TNKS1BP1: variants seen among roughly 807,000 people sequenced by gnomAD.
The protein encoded by TNKS1BP1 is CCR4-NOT transcription complex subunit 12.
In TNKS1BP1, 48 loss-of-function variants were observed where a neutral mutation model predicts 141.1. The observed-to-expected ratio is 0.34, with a 90% CI of 0.27 to 0.43. The LOEUF (loss-of-function observed/expected upper bound fraction) is 0.43, where lower values mean the gene tolerates loss of function less well. TNKS1BP1 is among the 20% of genes least tolerant of loss of function. TNKS1BP1 has a pLI of 1.00. For synonymous variants in TNKS1BP1, 875 were observed against 898.2 expected (o/e 0.97, Z 0.46); for missense variants, 2,149 against 2,226.0 (o/e 0.97, Z 0.70).
intron 6 of TNKS1BP1, chr11:57,303,304 T>C (rs996169239): frequency 1.3e-5 from 2 of 154,134 alleles, no homozygotes; most frequent in Non-Finnish European, 2.9e-5. Context: ...GCCCCCACGT[T>C]ATGCCTCTTC....
At chr11:57,311,211 C>T (rs1442911636) in intron 5 of TNKS1BP1, 3 of 979,040 alleles carry the variant, frequency 3.1e-6, no homozygotes, top group African/African-American at 3.5e-5. Context: ...TTGCACCCCA[C>T]CCCCCACCTC....
chr11:57,308,376 A>T lies in TNKS1BP1; in HGVS notation c.4316+19T>A. Reference sequence around the variant, plus strand: ...TCACATGTTCCCTCCCACACTTGGGATGGGGCTCCGTTCATTACCTTGCTC... The same window carrying T: ...TCACATGTTCCCTCCCACACTTGGGTTGGGGCTCCGTTCATTACCTTGCTC... On this transcript the variant is annotated intron_variant, in intron 6 of 11. Transcript: ENST00000358252. 1.3e-6 allele frequency: 2 copies of T among 1,595,398 alleles called. No individual in the cohort carries two copies. The highest frequency in any genetic ancestry group is 1.1e-5 in the South Asian group (1 of 89,324).
intron 4 of TNKS1BP1, among the ~76,000 whole-genome samples, chr11:57,316,168 C>T (rs551400289): frequency 6.6e-6 from 1 of 152,306 alleles, no homozygotes; most frequent in East Asian, 1.9e-4. Context: ...GAATCCAATT[C>T]TCTGTGCTCA....
intron 3 of TNKS1BP1, among the ~76,000 whole-genome samples, chr11:57,319,546 C>T (rs1565046425): frequency 6.6e-6 from 1 of 152,056 alleles, no homozygotes; most frequent in Admixed American, 6.5e-5. Context: ...AGGCAGATCA[C>T]CTGAGGTCAG....
chr11:57,305,102 G>A (rs1855588732), intron 6 of TNKS1BP1, among the ~76,000 whole-genome samples: 1 of 152,084 alleles, frequency 6.6e-6, no homozygotes, highest in Non-Finnish European at 1.5e-5. Context: ...TGTATAAGCT[G>A]AGCCCCTCCC....
Position 57,310,554 on chromosome 11 carries a change from T to C in TNKS1BP1, c.2157A>G (p.Gly719=). Residue 719 remains glycine (G), a splice_region_variant and synonymous_variant, in exon 6 of 12, where the codon GGA becomes GGG. Coordinates refer to ENST00000358252, the MANE Select transcript of TNKS1BP1 (RefSeq NM_033396.3). ...GATCTTTCTGGGACCAGCCAAGGAG[T>C]CCCTGGGAATAAGAAAAAAAAACAG... ...DTQSPSTCSE[G]LLGWSQKDLQ... The C allele has an allele frequency of 6.3e-7, 1 of 1,587,868 alleles. No homozygotes were observed. Among genetic ancestry groups the C allele is most frequent in the African/African-American group, 1.4e-5 (1 of 73,696 alleles).
At chr11:57,303,949 T>C (rs1855569136) in intron 6 of TNKS1BP1, among the ~76,000 whole-genome samples, 1 of 152,116 alleles carries the variant, frequency 6.6e-6, no homozygotes. Flanking sequence ...CTGCCCGCCC[T>C]GTCCAGCGGC....
At chr11:57,300,467 T>A in intron 11 of TNKS1BP1, 61 bp downstream of exon 11, 1 of 1,540,006 alleles carries the variant, frequency 6.5e-7, no homozygotes. Context: ...GCATGAGGCC[T>A]CCGAAGCCTC....
intron 5 of TNKS1BP1, 111 bp downstream of exon 5, chr11:57,312,423 A>T: frequency 1.6e-6 from 2 of 1,256,234 alleles, no homozygotes; most frequent in South Asian, 2.5e-5. Flanking sequence ...TGCCTTGCTC[A>T]CTACCACAGC....
rs767298654 is a variant in TNKS1BP1 at position 57,301,793 on chromosome 11, T to A, written c.4971+14A>T. 6 of 1,601,920 alleles carry A rather than the reference T, an allele frequency of 3.7e-6. No individual in the cohort carries two copies. Among genetic ancestry groups the A allele is most frequent in the Non-Finnish European group, 5.1e-6 (6 of 1,170,884 alleles). On this transcript the variant is annotated intron_variant, in intron 9 of 11. Coordinates refer to ENST00000358252, the MANE Select transcript of TNKS1BP1 (RefSeq NM_033396.3). ...CAGATGGCTGGACATGTTTGCTTAATGATCAGATGGTACCTTCAGGGCTGA... is the reference window on the plus strand; with the variant it reads ...CAGATGGCTGGACATGTTTGCTTAAAGATCAGATGGTACCTTCAGGGCTGA...
chr11:57,310,241 C>T lies in TNKS1BP1; in HGVS notation c.2470G>A (p.Val824Ile). Residue 824 changes from valine to isoleucine, a missense_variant, in exon 6 of 12, where the codon GTA (valine) becomes ATA (isoleucine). Transcript: ENST00000358252. ...APGVLTAQDR[V>I]VGKPAQLGTQ... ...CCAAGCTGGGCTGGCTTTCCAACTACCCGGTCCTGGGCTGTGAGCACCCCT... is the reference window on the plus strand; with the variant it reads ...CCAAGCTGGGCTGGCTTTCCAACTATCCGGTCCTGGGCTGTGAGCACCCCT... 1 of 1,614,190 alleles carries T rather than the reference C, an allele frequency of 6.2e-7. No individual in the cohort carries two copies. Among genetic ancestry groups the T allele is most frequent in the Non-Finnish European group, 8.5e-7 (1 of 1,180,020 alleles).
At chr11:57,310,753 C>T (rs1306192676) in intron 5 of TNKS1BP1, among the ~76,000 whole-genome samples, 197 bp from the exon 6 acceptor site, 1 of 152,162 alleles carries the variant, frequency 6.6e-6, no homozygotes, top group Admixed American at 6.5e-5. Context: ...ATTCCTATTG[C>T]ATGGGGCTGG....
intron 1 of TNKS1BP1, among the ~76,000 whole-genome samples, chr11:57,324,301 G>A (rs1306062828): frequency 6.6e-6 from 1 of 152,242 alleles, no homozygotes; most frequent in Non-Finnish European, 1.5e-5. Context: ...GTCTGGAGGG[G>A]CCCAGTGGGG....
chr11:57,312,711 G>A lies in TNKS1BP1; in HGVS notation c.1977C>T (p.Thr659=). The part of the protein sequence containing the change: ...EAVTLARAET[T]QARTEAQDLC... ...AGTCTTGAGCCTCTGTCCTGGCTTG[G>A]GTGGTCTCAGCCCGGGCTAGGGTCA... The change falls in exon 5 of 12, where the codon ACC becomes ACT. Residue 659 remains threonine, a synonymous_variant. Coordinates refer to ENST00000358252, the MANE Select transcript of TNKS1BP1 (RefSeq NM_033396.3). 6.4e-7 allele frequency: 1 copy of A among 1,573,590 alleles called. No individual in the cohort carries two copies. The highest frequency in any genetic ancestry group is 8.6e-7 in the Non-Finnish European group (1 of 1,158,598).
intron 6 of TNKS1BP1, among the ~76,000 whole-genome samples, chr11:57,304,097 C>A (rs1855571154): frequency 6.6e-6 from 1 of 152,118 alleles, no homozygotes; most frequent in African/African-American, 2.4e-5. Flanking sequence ...ACACCTGACA[C>A]AAACACACGC....
At chr11:57,320,020 C>CCCCCCCCACCCCA in intron 3 of TNKS1BP1, 59 bp downstream of exon 3, 3 of 1,213,902 alleles carry the variant, frequency 2.5e-6, no homozygotes, top group African/African-American at 1.5e-5. Context: ...AGCCCCCACC[C>CCCCCCCCACCCCA]AATCCCACCC....
chr11:57,310,192 T>C lies in TNKS1BP1; in HGVS notation c.2519A>G (p.Asp840Gly). 6.2e-7 allele frequency: 1 copy of C among 1,614,176 alleles called. No individual in the cohort carries two copies. The highest frequency in any genetic ancestry group is 8.5e-7 in the Non-Finnish European group (1 of 1,180,044). The part of the protein sequence containing the change: ...QLGTQRSQEA[D>G]VQDWEFRKRD... The stretch of plus-strand genomic sequence containing the variant: ...CTTTCTGAACTCCCAGTCCTGAACA[T>C]CTGCCTCCTGGCTCCGCTGAGTGCC... Residue 840 changes from aspartate to glycine, a missense_variant, in exon 6 of 12, where the codon GAT (aspartate) becomes GGT (glycine). Asp to Gly is a moderately conservative substitution (Grantham distance 94, BLOSUM62 -1). Coordinates refer to ENST00000358252, the MANE Select transcript of TNKS1BP1 (RefSeq NM_033396.3).
intron 4 of TNKS1BP1, among the ~76,000 whole-genome samples, chr11:57,314,689 G>A (rs1565044598): frequency 6.6e-6 from 1 of 152,106 alleles, no homozygotes; most frequent in Non-Finnish European, 1.5e-5. Flanking sequence ...GGAGGACGTG[G>A]AGAGAAGAGG....
At chr11:57,300,765 C>A in intron 10 of TNKS1BP1, 119 bp downstream of exon 10, 1 of 1,500,094 alleles carries the variant, frequency 6.7e-7, no homozygotes, top group South Asian at 1.3e-5. Context: ...TCATCTGGGG[C>A]ATGTCCGACT....
Sources: allele counts gnomAD v4.1 joint callset (sites outside exome capture counted in the v4.1 genomes callset), GRCh38; gene constraint gnomAD v4.1.1; transcripts MANE v1.5; gene names NCBI Gene and HGNC (gene_info 2026-07-23, HGNC 2026-07-21).